NCAPD3: variants seen among roughly 807,000 people sequenced by gnomAD.
NCAPD3 encodes condensin-2 complex subunit D3.
NCAPD3 carries 105 observed loss-of-function variants against 182.9 expected under a neutral mutation model. The observed-to-expected ratio is 0.57, with a 90% CI of 0.49 to 0.68. NCAPD3 has a LOEUF of 0.68. Ranked by LOEUF, NCAPD3 falls within the 30% of genes least tolerant of loss-of-function variation. The pLI is 0.00. For synonymous variants in NCAPD3, 815 were observed against 679.9 expected (o/e 1.20, Z -3.09); for missense variants, 1,944 against 1,837.0 (o/e 1.06, Z -1.07).
intron 28 of NCAPD3, among the ~76,000 whole-genome samples, chr11:134,160,842 C>T (rs2120561757): frequency 6.6e-6 from 1 of 152,124 alleles, no homozygotes; most frequent in East Asian, 1.9e-4. Context: ...AAGCTACTGA[C>T]AACAAGCAAC....
At chr11:134,196,160 T>G (rs1565546527) in intron 13 of NCAPD3, among the ~76,000 whole-genome samples, 1 of 152,100 alleles carries the variant, frequency 6.6e-6, no homozygotes, top group African/African-American at 2.4e-5. Context: ...AGGAGGGACA[T>G]TACTACTATT....
intron 3 of NCAPD3, among the ~76,000 whole-genome samples, chr11:134,210,974 C>T (rs536027780): frequency 3.3e-5 from 5 of 152,296 alleles, no homozygotes; most frequent in African/African-American, 4.8e-5. Context: ...TTCTAGAAAT[C>T]GGCCCAGGGC....
chr11:134,171,484 C>T (rs567995729), intron 24 of NCAPD3, among the ~76,000 whole-genome samples: 1 of 152,226 alleles, frequency 6.6e-6, no homozygotes, highest in East Asian at 1.9e-4. Flanking sequence ...GGTGTCTGCT[C>T]AATAAAGGCA....
At chr11:134,175,207 T>C (rs982182159) in intron 24 of NCAPD3, among the ~76,000 whole-genome samples, 8 of 152,174 alleles carry the variant, frequency 5.3e-5, no homozygotes, top group Admixed American at 1.3e-4. Context: ...CGGGGAAAAA[T>C]GAGGAAATGC....
At position 134,216,958 on chromosome 11, in the gene NCAPD3, G is replaced by A. The variant is rs2136029231; in HGVS notation, c.360C>T (p.Tyr120=). ...REYGLHAAGL[Y]FLLLEVPGSV... ...TACCTGGTACTTCTAGTAGCAAAAA[G>A]TAAAGCCCAGCGGCATGAAGGCCAT... Residue 120 remains tyrosine (Y), a synonymous_variant, in exon 3 of 35, where the codon TAC becomes TAT. Transcript: ENST00000534548. 1 of 1,612,044 alleles carries A rather than the reference G, an allele frequency of 6.2e-7. No individual in the cohort carries two copies. The highest frequency in any genetic ancestry group is 1.1e-5 in the South Asian group (1 of 90,586).
intron 3 of NCAPD3, 39 bp from the exon 4 acceptor site, chr11:134,210,493 A>G: frequency 1.9e-6 from 3 of 1,550,376 alleles, no homozygotes; most frequent in Non-Finnish European, 1.8e-6. Context: ...GTTAGATTTA[A>G]TTGTCTTGAA....
At position 134,159,930 on chromosome 11, in the gene NCAPD3, C is replaced by A; in HGVS notation, c.3829G>T (p.Gly1277Trp). 2 of 1,613,756 alleles carry A rather than the reference C, an allele frequency of 1.2e-6. No individual in the cohort carries two copies. The highest frequency in any genetic ancestry group is 1.7e-6 in the Non-Finnish European group (2 of 1,180,028). ...GCCACCTCAGCACCTCCAGCCGTCC[C>A]GGCCACATCTGCATGTTTTGCTAGC... ...QELAKHADVA[G>W]TAGGAEVAPV... The change falls in exon 29 of 35, where the codon GGG (glycine) becomes TGG (tryptophan). Residue 1277 changes from glycine (G) to tryptophan (W), a missense_variant. Transcript: ENST00000534548.
At chr11:134,207,606 G>C (rs866110877) in intron 7 of NCAPD3, among the ~76,000 whole-genome samples, 3 of 152,028 alleles carry the variant, frequency 2.0e-5, no homozygotes, top group Admixed American at 6.5e-5. Context: ...AGCTGGGCAT[G>C]GTGGCGCGCA....
Position 134,168,914 on chromosome 11 carries a change from G to A in NCAPD3, c.3239+3C>T. On this transcript the variant is annotated splice_donor_region_variant and intron_variant, in intron 25 of 34. Transcript: ENST00000534548. ...GGAGACCAGACTTAGCTGCTTCACTGACCTCTCTGACTGGGGGAACTTGTT... is the reference window on the plus strand; with the variant it reads ...GGAGACCAGACTTAGCTGCTTCACTAACCTCTCTGACTGGGGGAACTTGTT... 1 of 1,611,966 alleles carries A rather than the reference G, an allele frequency of 6.2e-7. No individual in the cohort carries two copies. Among genetic ancestry groups the A allele is most frequent in the East Asian group, 2.2e-5 (1 of 44,868 alleles).
intron 2 of NCAPD3, among the ~76,000 whole-genome samples, chr11:134,217,342 A>AT: frequency 6.6e-6 from 1 of 152,320 alleles, no homozygotes; most frequent in African/African-American, 2.4e-5. Flanking sequence ...TTTCAAAAGA[A>AT]TTTTTTGTTA....
intron 15 of NCAPD3, 110 bp downstream of exon 15, chr11:134,193,906 T>TTA: frequency 9.0e-7 from 1 of 1,107,074 alleles, no homozygotes; most frequent in Non-Finnish European, 1.3e-6. Context: ...ACAGTGGACT[T>TTA]AGTAGAGTTT....
intron 7 of NCAPD3, among the ~76,000 whole-genome samples, chr11:134,207,750 A>AAAAAAAAAAAAAAAAAAAAAAAAAT (rs1937667512): frequency 6.6e-6 from 1 of 151,334 alleles, no homozygotes; most frequent in Non-Finnish European, 1.5e-5. Flanking sequence ...CTCAAAAAAA[A>AAAAAAAAAAAAAAAAAAAAAAAAAT]AAAAAAAAAA....
intron 1 of NCAPD3, chr11:134,223,317 T>C (rs1025799212): frequency 1.5e-6 from 1 of 664,878 alleles, no homozygotes; most frequent in African/African-American, 1.8e-5. Context: ...GGGGCTGCCC[T>C]GAGACACCTC....
chr11:134,206,988 C>T (rs1053695160), intron 7 of NCAPD3, among the ~76,000 whole-genome samples: 3 of 152,192 alleles, frequency 2.0e-5, no homozygotes, highest in Non-Finnish European at 4.4e-5. Context: ...TCTCCCCACC[C>T]TTTGCATATC....
intron 1 of NCAPD3, chr11:134,223,282 A>G (rs1235952761): frequency 3.3e-6 from 2 of 612,350 alleles, no homozygotes; most frequent in African/African-American, 1.8e-5. Flanking sequence ...GGCTATGATG[A>G]AGGCAGCAGC....
intron 16 of NCAPD3, among the ~76,000 whole-genome samples, chr11:134,187,884 G>T (rs77135972): frequency 0.026 from 3,922 of 152,234 alleles, 182 homozygotes; most frequent in African/African-American, 0.09. Flanking sequence ...AAATATGTTT[G>T]TTCAGTTGAA....
intron 1 of NCAPD3, among the ~76,000 whole-genome samples, chr11:134,222,203 AT>A (rs1938257325): frequency 6.6e-6 from 1 of 152,130 alleles, no homozygotes; most frequent in Admixed American, 6.5e-5. Flanking sequence ...CTCACTACCT[AT>A]TTTCTCAGCT....
At chr11:134,167,939 T>C in intron 27 of NCAPD3, 57 bp downstream of exon 27, 3 of 1,528,604 alleles carry the variant, frequency 2.0e-6, no homozygotes, top group Non-Finnish European at 2.7e-6. Context: ...GAGATGAGCT[T>C]AGGGGAGCAG....
rs1373823096 is a variant in NCAPD3 at position 134,194,028 on chromosome 11, A to T, written c.1812T>A (p.Thr604=). ...SVRKQALQSL[T]ELLMAQPRCV... ...TCCTGCCTCTCACCATAAGGAGTTC[A>T]GTAAGAGACTGGAGGGCCTGCTTCC... is the stretch of plus-strand genomic sequence containing the variant. The change falls in exon 15 of 35, where the codon ACT becomes ACA. Residue 604 remains threonine (T), a synonymous_variant. Coordinates refer to ENST00000534548, the MANE Select transcript of NCAPD3 (RefSeq NM_015261.3). 1.2e-6 allele frequency: 2 copies of T among 1,613,898 alleles called. No homozygotes were observed. Among genetic ancestry groups the T allele is most frequent in the Non-Finnish European group, 1.7e-6 (2 of 1,179,860 alleles).
Sources: allele counts gnomAD v4.1 joint callset (sites outside exome capture counted in the v4.1 genomes callset), GRCh38; gene constraint gnomAD v4.1.1; transcripts MANE v1.5; gene names NCBI Gene and HGNC (gene_info 2026-07-23, HGNC 2026-07-21).